The following DPP10 variants were observed in gnomAD, a reference collection of about 807,000 sequenced individuals.
DPP10 encodes the protein inactive dipeptidyl peptidase 10.
In DPP10, 33 loss-of-function variants were observed where a neutral mutation model predicts 120.9. That is an observed-to-expected ratio of 0.27 (90% confidence interval 0.21 to 0.37). The LOEUF (loss-of-function observed/expected upper bound fraction) is 0.37. Ranked by LOEUF, DPP10 falls within the 10% of genes least tolerant of loss-of-function variation. The probability of loss-of-function intolerance (pLI) is 1.00; values close to 1 mark genes in which losing one functional copy is unlikely to be tolerated. For synonymous variants in DPP10, 337 were observed against 326.1 expected (o/e 1.03, Z -0.36); for missense variants, 816 against 942.8 (o/e 0.87, Z 1.76).
chr2:115,132,714 C>G (rs780658509), intron 1 of DPP10, among the ~76,000 whole-genome samples: 1 of 151,938 alleles, frequency 6.6e-6, no homozygotes, highest in Non-Finnish European at 1.5e-5. Context: ...TCAGGTCTTT[C>G]TAGGGTCCCC....
chr2:115,765,437 C>T (rs1680597340), intron 12 of DPP10, among the ~76,000 whole-genome samples: 1 of 152,026 alleles, frequency 6.6e-6, no homozygotes, highest in Non-Finnish European at 1.5e-5. Flanking sequence ...CCTACTGTGT[C>T]TTAGGCAATA....
intron 2 of DPP10, among the ~76,000 whole-genome samples, chr2:115,325,048 T>A (rs930644852): frequency 6.6e-6 from 1 of 152,090 alleles, no homozygotes; most frequent in Non-Finnish European, 1.5e-5. Flanking sequence ...CAAAGATCCC[T>A]GATCACAGAT....
intron 1 of DPP10, among the ~76,000 whole-genome samples, chr2:115,021,300 A>G (rs1316622379): frequency 1.3e-5 from 2 of 152,178 alleles, no homozygotes; most frequent in Non-Finnish European, 2.9e-5. Context: ...AATAGAGAAG[A>G]TTCAAATAAA....
intron 1 of DPP10, among the ~76,000 whole-genome samples, chr2:114,754,035 G>A (rs1247397789): frequency 6.6e-6 from 1 of 151,886 alleles, no homozygotes; most frequent in African/African-American, 2.4e-5. Flanking sequence ...AAAATGCTTA[G>A]TGATTAGTAG....
chr2:114,677,706 G>C (rs746927571), intron 1 of DPP10, among the ~76,000 whole-genome samples: 16 of 151,984 alleles, frequency 1.1e-4, no homozygotes, highest in Non-Finnish European at 2.2e-4. Flanking sequence ...GGAATATAGT[G>C]TTTGTTTCTC....
intron 1 of DPP10, among the ~76,000 whole-genome samples, chr2:115,296,983 G>A (rs1254536533): frequency 1.3e-5 from 2 of 152,026 alleles, no homozygotes; most frequent in Non-Finnish European, 2.9e-5. Flanking sequence ...CCTCAAGAAC[G>A]ATTATGTATA....
chr2:115,413,750 C>T lies in DPP10; in HGVS notation c.271+69838C>T, dbSNP rs1038484983. On this transcript the variant is annotated intron_variant, in intron 3 of 25. Transcript: ENST00000410059. ...AGGCAACTGTTAAAAGCCTAGTTTC[C>T]GAGTCAAAGCCAGATATAAATTTCT... 1.8e-4 allele frequency among the ~76,000 whole-genome samples: 27 copies of T among 152,128 alleles called. 1 individual carries two copies. Among genetic ancestry groups the T allele is most frequent in the Non-Finnish European group, 1.9e-4 (13 of 68,022 alleles).
At chr2:115,369,213 G>T (rs2106389575) in intron 3 of DPP10, among the ~76,000 whole-genome samples, 1 of 152,086 alleles carries the variant, frequency 6.6e-6, no homozygotes, top group Admixed American at 6.6e-5. Flanking sequence ...TAGGCTGAAA[G>T]TATAAATAAA....
intron 8 of DPP10, among the ~76,000 whole-genome samples, chr2:115,730,809 G>A (rs1293708473): frequency 6.6e-6 from 1 of 152,164 alleles, no homozygotes; most frequent in African/African-American, 2.4e-5. Context: ...GCATTCCAAA[G>A]GGGAAAGGAA....
At chr2:115,356,539 C>T (rs1224066694) in intron 3 of DPP10, among the ~76,000 whole-genome samples, 1 of 151,692 alleles carries the variant, frequency 6.6e-6, no homozygotes. Context: ...ATTTGAATAC[C>T]CTTACTTCTT....
At chr2:114,594,826 G>A (rs1691771139) in intron 1 of DPP10, among the ~76,000 whole-genome samples, 1 of 151,620 alleles carries the variant, frequency 6.6e-6, no homozygotes, top group South Asian at 2.1e-4. Flanking sequence ...ACTTAACCTG[G>A]GTTCTTTCTC....
chr2:114,552,840 C>T (rs1048760987), intron 1 of DPP10, among the ~76,000 whole-genome samples: 3 of 152,178 alleles, frequency 2.0e-5, no homozygotes, highest in African/African-American at 7.2e-5. Flanking sequence ...GCCACTGCAC[C>T]TTGCCCATTA....
intron 3 of DPP10, among the ~76,000 whole-genome samples, chr2:115,404,285 A>G (rs2068342429): frequency 6.6e-6 from 1 of 152,108 alleles, no homozygotes; most frequent in Non-Finnish European, 1.5e-5. Flanking sequence ...TTAAATGACC[A>G]CATCTCATAA....
At chr2:115,062,955 G>A (rs1037126567) in intron 1 of DPP10, among the ~76,000 whole-genome samples, 1 of 152,112 alleles carries the variant, frequency 6.6e-6, no homozygotes, top group African/African-American at 2.4e-5. Flanking sequence ...AGGTCTTTGA[G>A]GAAACACCAC....
chr2:115,561,017 C>T (rs1207191406), intron 5 of DPP10, among the ~76,000 whole-genome samples: 1 of 152,012 alleles, frequency 6.6e-6, no homozygotes, highest in African/African-American at 2.4e-5. Context: ...GAAGCTAGCC[C>T]ATTACCTAAA....
At chr2:115,285,553 T>G (rs1457337357) in intron 1 of DPP10, among the ~76,000 whole-genome samples, 1 of 152,096 alleles carries the variant, frequency 6.6e-6, no homozygotes, top group African/African-American at 2.4e-5. Context: ...CATTGTTAGA[T>G]GAAATGCTTT....
At chr2:114,976,885 A>G (rs1399927427) in intron 1 of DPP10, among the ~76,000 whole-genome samples, 4 of 152,038 alleles carry the variant, frequency 2.6e-5, no homozygotes, top group African/African-American at 9.7e-5. Context: ...TTCTACTTGG[A>G]GAGCATCAAT....
intron 2 of DPP10, among the ~76,000 whole-genome samples, chr2:115,330,795 T>C (rs544346503): frequency 4.7e-4 from 71 of 152,332 alleles, no homozygotes; most frequent in African/African-American, 1.7e-3. Flanking sequence ...ATCTCTGTTT[T>C]GGTACGAGTA....
rs150247480 is a variant in DPP10 at position 114,631,687 on chromosome 2, A to T, written c.60+188849A>T. Among the ~76,000 whole-genome samples the T allele has an allele frequency of 2.6e-3, 402 of 152,284 alleles. 2 individuals are homozygous for T. The highest frequency in any genetic ancestry group is 9.3e-3 in the African/African-American group (385 of 41,564). ...TAAACTAAATCATACATATCAAGAC[A>T]CTTCACTTCTAAAATGTACCATGCA... On this transcript the variant is annotated intron_variant, in intron 1 of 25. Coordinates refer to ENST00000410059, the MANE Select transcript of DPP10 (RefSeq NM_020868.6).
Sources: gnomAD v4.1 joint callset for allele counts (sites outside exome capture counted in the v4.1 genomes callset) on GRCh38, gnomAD v4.1.1 for gene constraint, MANE v1.5 for transcripts, NCBI Gene and HGNC (gene_info 2026-07-23, HGNC 2026-07-21) for gene names.